PPP1R14C: variants seen among roughly 807,000 people sequenced by gnomAD.
PPP1R14C encodes the protein protein phosphatase 1 regulatory subunit 14C.
PPP1R14C carries 16 observed loss-of-function variants against 20.4 expected under a neutral mutation model. That is an observed-to-expected ratio of 0.78 (90% confidence interval 0.53 to 1.19). PPP1R14C has a LOEUF of 1.19. Ranked by LOEUF, PPP1R14C falls within the 50% of genes most tolerant of loss-of-function variation. The probability of loss-of-function intolerance (pLI) is 0.00; values close to 1 mark genes in which losing one functional copy is unlikely to be tolerated. For missense variants in PPP1R14C, 211 were observed against 220.1 expected, an observed-to-expected ratio of 0.96 and a Z score of 0.26; for synonymous variants, 91 against 91.0, an observed-to-expected ratio of 1.00 and a Z score of 0.00.
intron 1 of PPP1R14C, among the ~76,000 whole-genome samples, chr6:150,174,417 C>A (rs568517629): frequency 9.2e-5 from 14 of 151,624 alleles, no homozygotes; most frequent in Middle Eastern, 3.4e-3. Flanking sequence ...GGGGTTTCAC[C>A]GTGTTAGCCA....
At chr6:150,212,599 C>T (rs1200608411) in intron 1 of PPP1R14C, among the ~76,000 whole-genome samples, 1 of 152,168 alleles carries the variant, frequency 6.6e-6, no homozygotes, top group Non-Finnish European at 1.5e-5. Flanking sequence ...TTAAAAATAG[C>T]AGACACCAAG....
chr6:150,150,463 T>C (rs1463825466), intron 1 of PPP1R14C, among the ~76,000 whole-genome samples: 1 of 152,194 alleles, frequency 6.6e-6, no homozygotes, highest in East Asian at 1.9e-4. Flanking sequence ...GCTTTTGCTG[T>C]CTTCTGTTTG....
chr6:150,198,232 G>C (rs1777832194), intron 1 of PPP1R14C, among the ~76,000 whole-genome samples: 1 of 148,584 alleles, frequency 6.7e-6, no homozygotes, highest in Non-Finnish European at 1.5e-5. Context: ...TGGATGCCCG[G>C]CTTTGTGTGC....
At chr6:150,235,099 G>A (rs567064164) in intron 3 of PPP1R14C, among the ~76,000 whole-genome samples, 19 of 152,234 alleles carry the variant, frequency 1.2e-4, no homozygotes. Context: ...TCTTTGTTGT[G>A]TTTTAATAGG....
At chr6:150,194,296 C>T (rs9478557) in intron 1 of PPP1R14C, among the ~76,000 whole-genome samples, 21,385 of 152,134 alleles carry the variant, frequency 0.14, 1,707 homozygotes, top group South Asian at 0.28. Flanking sequence ...TTTCTGTTAC[C>T]TTCCACTTAT....
At chr6:150,247,255 A>G (rs1017103865) in intron 3 of PPP1R14C, among the ~76,000 whole-genome samples, 24 of 152,210 alleles carry the variant, frequency 1.6e-4, no homozygotes, top group African/African-American at 5.5e-4. Context: ...TTGCTCTCAG[A>G]TAGTCCCTGA....
At chr6:150,240,322 G>C (rs566330908) in intron 3 of PPP1R14C, among the ~76,000 whole-genome samples, 9 of 152,190 alleles carry the variant, frequency 5.9e-5, no homozygotes, top group Non-Finnish European at 1.3e-4. Context: ...CAGGTTCTTC[G>C]CGTTTTGAAC....
At chr6:150,234,075 T>C (rs1778324743) in intron 3 of PPP1R14C, among the ~76,000 whole-genome samples, 1 of 152,084 alleles carries the variant, frequency 6.6e-6, no homozygotes, top group South Asian at 2.1e-4. Context: ...GGGAGTCTAT[T>C]TTTTTTCCCC....
Position 150,248,968 on chromosome 6 carries a change from TATTAGAC to T in PPP1R14C, c.*152_*158del. The T allele has an allele frequency of 2.0e-6, 1 of 495,602 alleles. No homozygotes were observed. The highest frequency in any genetic ancestry group is 4.3e-5 in the South Asian group (1 of 23,358). The allele number at this position is 495,602 out of a possible 1,614,324, so 30.7% of individuals were successfully genotyped here. ...TTTTTGGTGTGAAGGTGGGGGGGTCTATTAGACATTTATTCAAGAGCGTTCTTTTTTT... is the reference window on the plus strand; with the variant it reads ...TTTTTGGTGTGAAGGTGGGGGGGTCTATTTATTCAAGAGCGTTCTTTTTTT... On this transcript the variant is annotated 3_prime_UTR_variant, in exon 4 of 4. Coordinates refer to ENST00000361131, the MANE Select transcript of PPP1R14C (RefSeq NM_030949.3).
At chr6:150,168,150 CTTTT>C (rs1164433647) in intron 1 of PPP1R14C, among the ~76,000 whole-genome samples, 1 of 79,156 alleles carries the variant, frequency 1.3e-5, no homozygotes, top group African/African-American at 5.0e-5. Flanking sequence ...TACAGCGTCC[CTTTT>C]TTTTTTTTTT....
chr6:150,224,682 G>A (rs890893111), intron 3 of PPP1R14C, among the ~76,000 whole-genome samples: 6 of 152,132 alleles, frequency 3.9e-5, no homozygotes, highest in African/African-American at 1.2e-4. Context: ...TTTATCTATC[G>A]GAGCCCTTAG....
intron 3 of PPP1R14C, among the ~76,000 whole-genome samples, chr6:150,244,443 T>C (rs1462289429): frequency 6.6e-6 from 1 of 152,200 alleles, no homozygotes; most frequent in Non-Finnish European, 1.5e-5. Flanking sequence ...TTTGTTAGGG[T>C]CACCTTTGAC....
At chr6:150,217,425 A>T (rs1012420118) in intron 3 of PPP1R14C, among the ~76,000 whole-genome samples, 1 of 151,902 alleles carries the variant, frequency 6.6e-6, no homozygotes, top group Admixed American at 6.6e-5. Context: ...CAAACTCCTG[A>T]CCTCAGGTAT....
At chr6:150,227,860 G>T (rs1778247733) in intron 3 of PPP1R14C, among the ~76,000 whole-genome samples, 1 of 152,162 alleles carries the variant, frequency 6.6e-6, no homozygotes, top group African/African-American at 2.4e-5. Context: ...AAGGATTGGG[G>T]TTTATTAGCC....
rs370806291 is a variant in PPP1R14C, at chr6:150,168,533, CAACAA to C, written c.306+25063_306+25067del. On this transcript the variant is annotated intron_variant, in intron 1 of 3. Coordinates refer to ENST00000361131, the MANE Select transcript of PPP1R14C (RefSeq NM_030949.3). ...GGGCGAAAGAGCGAGACTCCCGTCTCAACAAAACAAAACAAAACAAAACAAAACAA... is the reference window on the plus strand; with the variant it reads ...GGGCGAAAGAGCGAGACTCCCGTCTCAACAAAACAAAACAAAACAAAACAA... Among the ~76,000 whole-genome samples, 139 of 149,000 alleles carry C rather than the reference CAACAA, an allele frequency of 9.3e-4. 1 individual carries two copies. The East Asian group carries it at 0.015, about 16-fold the overall frequency.
intron 1 of PPP1R14C, among the ~76,000 whole-genome samples, chr6:150,180,369 G>A (rs11155710): frequency 0.11 from 16,507 of 152,228 alleles, 1,050 homozygotes; most frequent in African/African-American, 0.18. Flanking sequence ...CTGTGTGACT[G>A]TGGGCAAATA....
chr6:150,192,856 C>T (rs1268307635), intron 1 of PPP1R14C, among the ~76,000 whole-genome samples: 1 of 152,158 alleles, frequency 6.6e-6, no homozygotes, highest in East Asian at 1.9e-4. Context: ...TCTGTTTCCA[C>T]ACAGTGTCTC....
At chr6:150,209,012 A>G (rs1777987273) in intron 1 of PPP1R14C, among the ~76,000 whole-genome samples, 1 of 152,176 alleles carries the variant, frequency 6.6e-6, no homozygotes, top group Non-Finnish European at 1.5e-5. Flanking sequence ...CCATAGGCCT[A>G]TAGAAAGATG....
intron 1 of PPP1R14C, among the ~76,000 whole-genome samples, chr6:150,149,311 G>GTGTGTGTA (rs1307464954): frequency 3.3e-5 from 5 of 151,588 alleles, no homozygotes; most frequent in Non-Finnish European, 7.4e-5. Context: ...GTGTGTGTGT[G>GTGTGTGTA]TGTGTGTGTG....
Sources: allele counts gnomAD v4.1 joint callset (sites outside exome capture counted in the v4.1 genomes callset), GRCh38; gene constraint gnomAD v4.1.1; transcripts MANE v1.5; gene names NCBI Gene and HGNC (gene_info 2026-07-23, HGNC 2026-07-21).